CASZ1: variants seen among roughly 807,000 people sequenced by gnomAD.
The protein encoded by CASZ1 is zinc finger protein castor homolog 1.
CASZ1 carries 28 observed loss-of-function variants against 135.2 expected under a neutral mutation model. The ratio of observed to expected loss-of-function variants is 0.21; its 90% CI spans 0.15 to 0.28. The LOEUF (loss-of-function observed/expected upper bound fraction) is 0.28. Among genes scored for constraint, CASZ1 ranks in the 10% least tolerant of loss-of-function variants. CASZ1 has a pLI of 1.00. For missense variants in CASZ1, 2,161 were observed against 2,453.3 expected, an observed-to-expected ratio of 0.88 and a Z score of 2.52; for synonymous variants, 1,068 against 1,073.4, an observed-to-expected ratio of 0.99 and a Z score of 0.10.
chr1:10,690,005 C>A (rs1638714705), intron 4 of CASZ1, among the ~76,000 whole-genome samples: 2 of 152,384 alleles, frequency 1.3e-5, no homozygotes, highest in South Asian at 4.1e-4. Context: ...CTACCCCCTG[C>A]AGCAGACTGG....
chr1:10,682,537 C>T (rs1441660861), intron 4 of CASZ1, among the ~76,000 whole-genome samples: 1 of 152,184 alleles, frequency 6.6e-6, no homozygotes, highest in Non-Finnish European at 1.5e-5. Context: ...AAAAACCTCT[C>T]AGTGCATAAC....
At chr1:10,650,587 T>C (rs1433412218) in intron 13 of CASZ1, 105 bp downstream of exon 13, 1 of 926,980 alleles carries the variant, frequency 1.1e-6, no homozygotes, top group Admixed American at 1.8e-5. Flanking sequence ...AAACTCATCT[T>C]ATTAGAGGCA....
chr1:10,653,790 G>T lies in CASZ1; in HGVS notation c.2267C>A (p.Ala756Asp), dbSNP rs1224199291. Residue 756 changes from alanine (A) to aspartate (D), a missense_variant, in exon 11 of 21, where the codon GCC (alanine) becomes GAC (aspartate). Transcript: ENST00000377022. ...QSSASLAAATAATEAGPSATK... is the reference protein window; with the variant it reads ...QSSASLAAATDATEAGPSATK... ...GGCACTGGGCCCAGCCTCGGTGGCG[G>T]CAGTGGCGGCAGCCAGGGACGCAGA... is the stretch of plus-strand genomic sequence containing the variant. 5 of 1,609,646 alleles carry T rather than the reference G, an allele frequency of 3.1e-6. No individual in the cohort carries two copies. Among genetic ancestry groups the T allele is most frequent in the Non-Finnish European group, 4.2e-6 (5 of 1,177,786 alleles).
At chr1:10,702,375 C>T (rs7514751) in intron 3 of CASZ1, among the ~76,000 whole-genome samples, 43,778 of 152,130 alleles carry the variant, frequency 0.29, 6,521 homozygotes, top group Middle Eastern at 0.35. Flanking sequence ...CCCCTCCTCT[C>T]ATCCACCACC....
rs1639296501 is a variant in CASZ1 at position 10,711,983 on chromosome 1, A to T, written c.-76-6439T>A. ...GGGTTTCTGTCTGGAGTGATGAAAA[A>T]GTTCTGGAACTAGCTTAATAGTTGT... On this transcript the variant is annotated intron_variant, in intron 2 of 20. Coordinates refer to ENST00000377022, the MANE Select transcript of CASZ1 (RefSeq NM_001079843.3). This position sits in a 1 kb window ranked among gnomAD's most constrained non-coding sequence, Gnocchi z 4.4. Among the ~76,000 whole-genome samples the T allele has an allele frequency of 6.6e-6, 1 of 152,170 alleles. No individual in the cohort carries two copies. Among genetic ancestry groups the T allele is most frequent in the South Asian group, 2.1e-4 (1 of 4,822 alleles).
chr1:10,727,287 A>G lies in CASZ1; in HGVS notation c.-76-21743T>C, dbSNP rs1243687786. Among the ~76,000 whole-genome samples the G allele has an allele frequency of 6.6e-6, 1 of 152,116 alleles. No homozygotes were observed. Among genetic ancestry groups the G allele is most frequent in the Non-Finnish European group, 1.5e-5 (1 of 67,998 alleles). ...CATAAGGCACCTGCTGTTTGAGCCC[A>G]GCCCCAGCCCCCACTCCAGGTCATC... On this transcript the variant is annotated intron_variant, in intron 2 of 20. Transcript: ENST00000377022. This position sits in a 1 kb window ranked among gnomAD's most constrained non-coding sequence, Gnocchi z 5.3.
Position 10,767,443 on chromosome 1 carries a change from AG to A in CASZ1, c.-233-6587del, listed in dbSNP as rs1367448351. Among the ~76,000 whole-genome samples, 3 of 152,170 alleles carry A rather than the reference AG, an allele frequency of 2.0e-5. No individual in the cohort carries two copies. The highest frequency in any genetic ancestry group is 7.2e-5 in the African/African-American group (3 of 41,448). ...TCCCAGATCCTAGGCAGATCCCTGG[AG>A]GGGACAGGGCGGGGGCGATGGGAGC... is the stretch of plus-strand genomic sequence containing the variant. On this transcript the variant is annotated intron_variant, in intron 1 of 20. Transcript: ENST00000377022. This position sits in a 1 kb window ranked among gnomAD's most constrained non-coding sequence, Gnocchi z 4.2.
At position 10,648,111 on chromosome 1, in the gene CASZ1, C is replaced by T. The variant is rs780042200; in HGVS notation, c.3187G>A (p.Ala1063Thr). The T allele has an allele frequency of 5.8e-6, 9 of 1,545,500 alleles. No homozygotes were observed. Among genetic ancestry groups the T allele is most frequent in the Non-Finnish European group, 7.8e-6 (9 of 1,146,650 alleles). ...AAGGCAGCCTCTGTGTTTCCTTTTG[C>T]TGCTCCTCCCTCTGTCCGGAAGTGG... ...NFHFRTEGGA[A>T]KGNTEAAFPA... is the part of the protein sequence containing the mutation. Residue 1063 changes from alanine to threonine, a missense_variant, in exon 16 of 21, where the codon GCA becomes ACA. Around this residue, in one of 7 missense-constraint regions of CASZ1, gnomAD observed 349 missense variants for 460.8 expected, o/e 0.76. Transcript: ENST00000377022.
chr1:10,668,959 G>T (rs1643319658), intron 4 of CASZ1, among the ~76,000 whole-genome samples: 1 of 152,212 alleles, frequency 6.6e-6, no homozygotes. Flanking sequence ...CAGAGGTCTG[G>T]GGCAGGGGCG....
intron 17 of CASZ1, 89 bp from the exon 18 acceptor site, chr1:10,645,177 G>T: frequency 8.9e-7 from 1 of 1,120,934 alleles, no homozygotes; most frequent in Non-Finnish European, 1.3e-6. Context: ...TGGGCCCTTG[G>T]CACATGTGTT....
rs184086469 is a variant in CASZ1 at position 10,698,001 on chromosome 1, G to A, written c.-23-4089C>T. On this transcript the variant is annotated intron_variant, in intron 3 of 20. Coordinates refer to ENST00000377022, the MANE Select transcript of CASZ1 (RefSeq NM_001079843.3). ...GGGCAGAGCCAAGGCACCACGGCAT[G>A]GCCACGGGCACGGGAGGTCGTGGGC... is the stretch of plus-strand genomic sequence containing the variant. Among the ~76,000 whole-genome samples the A allele has an allele frequency of 3.6e-3, 549 of 152,374 alleles. 7 individuals carry two copies. Among genetic ancestry groups the A allele is most frequent in the African/African-American group, 0.013 (525 of 41,590 alleles).
In CASZ1 at chr1:10,679,652, G is replaced by C. The variant is rs1638348663; in HGVS notation, c.17-14081C>G. ...TGGGTCTGGGCTCTGTCCACATCCT[G>C]TGCCTGCACGGGCACCCTTCTCCTC... On this transcript the variant is annotated intron_variant, in intron 4 of 20. Transcript: ENST00000377022. The surrounding 1 kb of genome is among the most constrained non-coding windows in gnomAD (Gnocchi z 4.7). Among the ~76,000 whole-genome samples the C allele has an allele frequency of 1.3e-5, 2 of 152,138 alleles. No individual in the cohort carries two copies.
At position 10,719,641 on chromosome 1, in the gene CASZ1, A is replaced by G. The variant is rs941407471; in HGVS notation, c.-76-14097T>C. Among the ~76,000 whole-genome samples the G allele has an allele frequency of 1.3e-5, 2 of 152,230 alleles. No individual in the cohort carries two copies. The highest frequency in any genetic ancestry group is 2.4e-5 in the African/African-American group (1 of 41,472). ...CTCAGGTGAGCAGATGCATGACTCA[A>G]TTCAACCAGGGAGCTGGGCCATGCC... On this transcript the variant is annotated intron_variant, in intron 2 of 20. Transcript: ENST00000377022. This position sits in a 1 kb window ranked among gnomAD's most constrained non-coding sequence, Gnocchi z 4.0.
chr1:10,674,580 A>G (rs1643506845), intron 4 of CASZ1, among the ~76,000 whole-genome samples: 1 of 152,144 alleles, frequency 6.6e-6, no homozygotes, highest in Non-Finnish European at 1.5e-5. Flanking sequence ...CAACTGTAAC[A>G]CAGCGTTGCT....
In CASZ1 at chr1:10,717,207, G is replaced by A. The variant is rs1220508192; in HGVS notation, c.-76-11663C>T. 6.6e-6 allele frequency among the ~76,000 whole-genome samples: 1 copy of A among 152,056 alleles called. No individual in the cohort carries two copies. Among genetic ancestry groups the A allele is most frequent in the Admixed American group, 6.5e-5 (1 of 15,282 alleles). ...CCTAATGACAGAAAAATCTACGAAC[G>A]CCTGCCTATCAGCACTTTCCAAAAA... On this transcript the variant is annotated intron_variant, in intron 2 of 20. Coordinates refer to ENST00000377022, the MANE Select transcript of CASZ1 (RefSeq NM_001079843.3). The surrounding 1 kb of genome is among the most constrained non-coding windows in gnomAD (Gnocchi z 4.6).
intron 1 of CASZ1, among the ~76,000 whole-genome samples, chr1:10,781,487 G>A (rs1640761555): frequency 6.6e-6 from 1 of 152,210 alleles, no homozygotes; most frequent in South Asian, 2.1e-4. Flanking sequence ...CCACCTGCAC[G>A]TCCAACAGCT....
At position 10,651,043 on chromosome 1, in the gene CASZ1, G is replaced by T. The variant is rs779793584; in HGVS notation, c.2714C>A (p.Pro905His). 6.4e-7 allele frequency: 1 copy of T among 1,551,158 alleles called. No individual in the cohort carries two copies. The highest frequency in any genetic ancestry group is 2.3e-5 in the East Asian group (1 of 43,666). ...GGGTTCCGGCTTCACTTGGGCCGGG[G>T]GGAACCTGGCTGGGGTGACCTGCTG... Reference protein sequence around the residue: ...SGQQVTPARFPPAQVKPEPGE... With the variant: ...SGQQVTPARFHPAQVKPEPGE... The change falls in exon 12 of 21, where the codon CCC (proline) becomes CAC (histidine). Residue 905 changes from proline to histidine, a missense_variant. Pro to His is a moderately conservative substitution (Grantham distance 77). Transcript: ENST00000377022.
At chr1:10,704,741 G>T in intron 3 of CASZ1, among the ~76,000 whole-genome samples, 2 of 152,360 alleles carry the variant, frequency 1.3e-5, no homozygotes, top group East Asian at 3.9e-4. Flanking sequence ...CTCGCCCGCC[G>T]GGCAGGCCCC....
chr1:10,672,436 G>A (rs1182339544), intron 4 of CASZ1, among the ~76,000 whole-genome samples: 3 of 149,474 alleles, frequency 2.0e-5, no homozygotes, highest in East Asian at 2.0e-4. Context: ...TCCTTGGGAC[G>A]GACAGTGATC....
Sources: allele counts gnomAD v4.1 joint callset (sites outside exome capture counted in the v4.1 genomes callset), GRCh38; gene constraint gnomAD v4.1.1; regional missense constraint gnomAD v4.1.1; non-coding constraint Gnocchi (gnomAD v3.1); transcripts MANE v1.5; gene names NCBI Gene and HGNC (gene_info 2026-07-23, HGNC 2026-07-21).